Variants in JADE2 observed in about 807,000 individuals in gnomAD.
The protein encoded by JADE2 is E3 ubiquitin-protein ligase Jade-2.
In JADE2, 13 loss-of-function variants were observed where a neutral mutation model predicts 85.7. That is an observed-to-expected ratio of 0.15 (90% confidence interval 0.10 to 0.24). The LOEUF (loss-of-function observed/expected upper bound fraction) is 0.24, where lower values mean the gene tolerates loss of function less well. JADE2 is among the 10% of genes least tolerant of loss of function. The probability of loss-of-function intolerance (pLI) is 1.00; values close to 1 mark genes in which losing one functional copy is unlikely to be tolerated. For synonymous variants in JADE2, 440 were observed against 456.1 expected (o/e 0.96, Z 0.45); for missense variants, 846 against 1,115.9 (o/e 0.76, Z 3.45).
At chr5:134,552,292 T>G in intron 4 of JADE2, 83 bp downstream of exon 4, 1 of 1,226,168 alleles carries the variant, frequency 8.2e-7, no homozygotes, top group South Asian at 1.5e-5. Context: ...GACCTGCCAG[T>G]CCTGGAATTC....
chr5:134,561,804 C>G (rs377700218), intron 6 of JADE2, among the ~76,000 whole-genome samples: 7 of 152,160 alleles, frequency 4.6e-5, no homozygotes, highest in East Asian at 3.8e-4. Context: ...TCATGGGTCC[C>G]TGTGTAAGAA....
At position 134,573,790 on chromosome 5, in the gene JADE2, C is replaced by T. The variant is rs776365154; in HGVS notation, c.1552+28C>T. Reference sequence around the variant, plus strand: ...AGGCGCCTTCCCCACCTGCCGCCGCCACCTCCCTGTGCCCTCTCTTGCGGG... The same window carrying T: ...AGGCGCCTTCCCCACCTGCCGCCGCTACCTCCCTGTGCCCTCTCTTGCGGG... On this transcript the variant is annotated intron_variant, in intron 10 of 11. Transcript: ENST00000681547. 1.9e-5 allele frequency: 24 copies of T among 1,293,552 alleles called. No individual in the cohort carries two copies. In the South Asian group the frequency reaches 2.7e-4, roughly 15 times the overall value. 80.1% of individuals were successfully genotyped at this position (1,293,552 alleles called of 1,614,324 possible). A position where few individuals can be genotyped will look rare whatever the true frequency, so the allele number is the denominator to read the frequency against.
intron 3 of JADE2, among the ~76,000 whole-genome samples, chr5:134,548,056 C>T (rs115879902): frequency 6.2e-4 from 95 of 152,282 alleles, no homozygotes; most frequent in African/African-American, 2.0e-3. Flanking sequence ...AGCGTTCTCC[C>T]GTGTGCAAAG....
chr5:134,563,330 G>A (rs1314734389), intron 7 of JADE2, among the ~76,000 whole-genome samples: 2 of 146,160 alleles, frequency 1.4e-5, no homozygotes, highest in Admixed American at 6.9e-5. Context: ...AAAAAAAAAA[G>A]AGAATCAGGT....
At chr5:134,577,505 A>G (rs1033980227) in intron 11 of JADE2, among the ~76,000 whole-genome samples, 15 of 152,120 alleles carry the variant, frequency 9.9e-5, no homozygotes, top group African/African-American at 3.4e-4. Flanking sequence ...TGGAAGCCCC[A>G]GGTCATCCTT....
At chr5:134,531,182 A>G (rs1401153763) in intron 1 of JADE2, among the ~76,000 whole-genome samples, 1 of 152,226 alleles carries the variant, frequency 6.6e-6, no homozygotes, top group Non-Finnish European at 1.5e-5. Context: ...AATATTCCAA[A>G]CAGAGTGGAG....
intron 9 of JADE2, among the ~76,000 whole-genome samples, chr5:134,569,379 C>T (rs1763850871): frequency 6.6e-6 from 1 of 152,326 alleles, no homozygotes; most frequent in South Asian, 2.1e-4. Flanking sequence ...GGGCTGCTGC[C>T]GGCATGAAAT....
Position 134,579,686 on chromosome 5 carries a change from A to C in JADE2, c.*369A>C. The C allele has an allele frequency of 3.2e-5, 7 of 218,772 alleles. No homozygotes were observed. The highest frequency in any genetic ancestry group is 1.1e-4 in the South Asian group (1 of 9,040). The allele number at this position is 218,772 out of a possible 1,614,324, so 13.6% of individuals were successfully genotyped here. On this transcript the variant is annotated 3_prime_UTR_variant, in exon 12 of 12. Transcript: ENST00000681547. The surrounding 1 kb of genome is among the most constrained non-coding windows in gnomAD (Gnocchi z 4.6). ...CAGACTGTCGTTTGGGCATTATTTC[A>C]TGGCAGATGGGCCAGTCCAGGGCCT...
rs34200923 is a variant in JADE2, at chr5:134,578,685, C to T, written c.1873C>T (p.Arg625Trp). The T allele has an allele frequency of 2.5e-6, 4 of 1,613,864 alleles. No homozygotes were observed. The highest frequency in any genetic ancestry group is 2.5e-6 in the Non-Finnish European group (3 of 1,179,992). Residue 625 changes from arginine (R) to tryptophan (W), a missense_variant, in exon 12 of 12, where the codon CGG becomes TGG. Coordinates refer to ENST00000681547, the MANE Select transcript of JADE2 (RefSeq NM_001388185.1). The surrounding 1 kb of genome is among the most constrained non-coding windows in gnomAD (Gnocchi z 4.4). ...QDEETLLSFMRDPSLRPGDPA... is the reference protein window; with the variant it reads ...QDEETLLSFMWDPSLRPGDPA... The stretch of plus-strand genomic sequence containing the variant: ...CGAGGAGACACTGCTCAGCTTCATG[C>T]GGGACCCCTCGCTGCGACCTGGTGA...
chr5:134,576,700 G>A (rs1764385965), intron 10 of JADE2, 68 bp from the exon 11 acceptor site: 1 of 1,540,874 alleles, frequency 6.5e-7, no homozygotes. Flanking sequence ...GCCACGCAGG[G>A]ATCTTGGTGC....
Position 134,562,132 on chromosome 5 carries a change from C to T in JADE2, c.685-68C>T. On this transcript the variant is annotated intron_variant, in intron 6 of 11. Transcript: ENST00000681547. This position sits in a 1 kb window ranked among gnomAD's most constrained non-coding sequence, Gnocchi z 4.6. ...CATGGGGCTGGCACTGGACCAAATG[C>T]AGCTGACTGCTGACCAGACACAGAT... 6.7e-7 allele frequency: 1 copy of T among 1,487,616 alleles called. No individual in the cohort carries two copies. Among genetic ancestry groups the T allele is most frequent in the Non-Finnish European group, 9.1e-7 (1 of 1,097,906 alleles). 92.2% of individuals were successfully genotyped at this position (1,487,616 alleles called of 1,614,324 possible). A position where few individuals can be genotyped will look rare whatever the true frequency, so the allele number is the denominator to read the frequency against.
chr5:134,543,561 C>T (rs1395499785), intron 3 of JADE2, among the ~76,000 whole-genome samples: 1 of 151,992 alleles, frequency 6.6e-6, no homozygotes, highest in Non-Finnish European at 1.5e-5. Context: ...CCTGTAATCC[C>T]AGCTACTCAG....
rs924041642 is a variant in JADE2, at chr5:134,562,451, G to C, written c.852+84G>C. On this transcript the variant is annotated intron_variant, in intron 7 of 11. Coordinates refer to ENST00000681547, the MANE Select transcript of JADE2 (RefSeq NM_001388185.1). This position sits in a 1 kb window ranked among gnomAD's most constrained non-coding sequence, Gnocchi z 4.6. ...ATGGGACTCAGGTAGCAGAGCACTG[G>C]GAAAAGAAGGTGATGGACTCGCACT... is the stretch of plus-strand genomic sequence containing the variant. The C allele has an allele frequency of 7.5e-7, 1 of 1,327,608 alleles. No individual in the cohort carries two copies. Among genetic ancestry groups the C allele is most frequent in the Non-Finnish European group, 1.0e-6 (1 of 960,922 alleles). The allele number at this position is 1,327,608 out of a possible 1,614,324, so 82.2% of individuals were successfully genotyped here.
At chr5:134,546,460 A>G (rs912047567) in intron 3 of JADE2, among the ~76,000 whole-genome samples, 2 of 152,208 alleles carry the variant, frequency 1.3e-5, no homozygotes, top group Admixed American at 1.3e-4. Context: ...GAAGAGATGG[A>G]CATTAAAAAT....
rs757304631 is a variant in JADE2, at chr5:134,562,419, G to C, written c.852+52G>C. 1.3e-6 allele frequency: 2 copies of C among 1,520,190 alleles called. No individual in the cohort carries two copies. The highest frequency in any genetic ancestry group is 2.3e-5 in the East Asian group (1 of 43,938). The allele number at this position is 1,520,190 out of a possible 1,614,324, so 94.2% of individuals were successfully genotyped here. On this transcript the variant is annotated intron_variant, in intron 7 of 11. Coordinates refer to ENST00000681547, the MANE Select transcript of JADE2 (RefSeq NM_001388185.1). The surrounding 1 kb of genome is among the most constrained non-coding windows in gnomAD (Gnocchi z 4.6). ...CCAAGGAATAGCCCGTGGGGAAGTG[G>C]GTCTGCATGGGACTCAGGTAGCAGA...
Position 134,564,523 on chromosome 5 carries a change from G to T in JADE2, c.882G>T (p.Glu294Asp). 6.3e-7 allele frequency: 1 copy of T among 1,590,762 alleles called. No individual in the cohort carries two copies. Among genetic ancestry groups the T allele is most frequent in the Middle Eastern group, 1.7e-4 (1 of 6,028 alleles). ...GCATCGGCTGCCCAGAGAAGATGGA[G>T]CCCATCACCAAGATCTCGCATATCC... ...EVSIGCPEKM[E>D]PITKISHIPA... The change falls in exon 8 of 12, where the codon GAG becomes GAT. Residue 294 changes from glutamate (E) to aspartate (D), a missense_variant. By Grantham distance (45) the Glu-to-Asp change is conservative. Around this residue, in one of 9 missense-constraint regions of JADE2, gnomAD observed 129 missense variants for 255.4 expected, o/e 0.51. Transcript: ENST00000681547.
intron 6 of JADE2, among the ~76,000 whole-genome samples, chr5:134,561,783 T>A (rs555101393): frequency 6.6e-6 from 1 of 152,228 alleles, no homozygotes; most frequent in East Asian, 1.9e-4. Context: ...CATAGAGGGG[T>A]GCAACCTTCT....
At chr5:134,574,704 ATGTAGAGCTCACCG>A (rs1764254763) in intron 10 of JADE2, 1 of 152,310 alleles carries the variant, frequency 6.6e-6, no homozygotes, top group Non-Finnish European at 1.5e-5. Context: ...AGTCATGACC[ATGTAGAGCTCACCG>A]TGTACCCAAA....
Position 134,578,343 on chromosome 5 carries a change from G to T in JADE2, c.1682-151G>T. ...TACTCTTTGGTGGTGTTGGCAGGAGGGATGGACAAAACAAGATAGCTCACC... is the reference window on the plus strand; with the variant it reads ...TACTCTTTGGTGGTGTTGGCAGGAGTGATGGACAAAACAAGATAGCTCACC... On this transcript the variant is annotated intron_variant, in intron 11 of 11. Coordinates refer to ENST00000681547, the MANE Select transcript of JADE2 (RefSeq NM_001388185.1). This position sits in a 1 kb window ranked among gnomAD's most constrained non-coding sequence, Gnocchi z 4.4. 1.5e-6 allele frequency: 1 copy of T among 645,706 alleles called. No homozygotes were observed. The highest frequency in any genetic ancestry group is 2.6e-5 in the Admixed American group (1 of 39,070). 40.0% of individuals were successfully genotyped at this position (645,706 alleles called of 1,614,324 possible). A position where few individuals can be genotyped will look rare whatever the true frequency, so the allele number is the denominator to read the frequency against.
Sources: gnomAD v4.1 joint callset for allele counts (sites outside exome capture counted in the v4.1 genomes callset) on GRCh38, gnomAD v4.1.1 for gene constraint, gnomAD v4.1.1 regional missense constraint, Gnocchi (gnomAD v3.1) non-coding constraint, MANE v1.5 for transcripts, NCBI Gene and HGNC (gene_info 2026-07-23, HGNC 2026-07-21) for gene names.